Variants in KLF12 observed in about 807,000 individuals in gnomAD.
KLF12 encodes Krueppel-like factor 12.
Under a neutral mutation model 37.8 loss-of-function variants are expected in KLF12, and 9 were observed. The ratio of observed to expected loss-of-function variants is 0.24; its 90% CI spans 0.14 to 0.42. KLF12 has a LOEUF of 0.42. KLF12 is among the 10% of genes least tolerant of loss of function. The probability of loss-of-function intolerance (pLI) is 1.00; values close to 1 mark genes in which losing one functional copy is unlikely to be tolerated. For missense variants in KLF12, 411 were observed against 516.0 expected (o/e 0.80, Z 1.97); for synonymous variants, 208 against 202.1 (o/e 1.03, Z -0.25).
chr13:74,036,759 A>G (rs530250947), intron 1 of KLF12, among the ~76,000 whole-genome samples: 28 of 152,358 alleles, frequency 1.8e-4, no homozygotes, highest in Admixed American at 5.2e-4. Flanking sequence ...CTTCCAGCAC[A>G]ATGAAATGTG....
At chr13:74,173,630 T>C in the KLF12 span, among the ~76,000 whole-genome samples, 1 of 152,222 alleles carries the variant, frequency 6.6e-6, no homozygotes, top group Non-Finnish European at 1.5e-5. Flanking sequence ...CATTACCAGA[T>C]GGATGAAGCC....
chr13:73,752,489 C>T (rs1594048624), intron 6 of KLF12, among the ~76,000 whole-genome samples: 2 of 91,670 alleles, frequency 2.2e-5, no homozygotes, highest in Non-Finnish European at 4.5e-5. Flanking sequence ...TACGGACTTG[C>T]CTTCTGCTCT....
intron 3 of KLF12, among the ~76,000 whole-genome samples, chr13:73,880,807 T>A (rs1326236583): frequency 2.0e-5 from 3 of 152,222 alleles, no homozygotes; most frequent in Non-Finnish European, 4.4e-5. Context: ...AACCTAGCAG[T>A]ATAACTAACC....
chr13:74,032,793 C>T (rs1893148025), intron 1 of KLF12, among the ~76,000 whole-genome samples: 1 of 152,156 alleles, frequency 6.6e-6, no homozygotes, highest in Non-Finnish European at 1.5e-5. Flanking sequence ...TTCTTTGCTG[C>T]TGGCAGTGCT....
chr13:74,018,315 G>T (rs1892754130), intron 1 of KLF12, among the ~76,000 whole-genome samples: 1 of 152,140 alleles, frequency 6.6e-6, no homozygotes, highest in Non-Finnish European at 1.5e-5. Flanking sequence ...GGAGTAGTTG[G>T]GGAGATGTTG....
rs115084834 is a variant in KLF12 at position 74,000,264 on chromosome 13, A to G, written c.-31-5211T>C. On this transcript the variant is annotated intron_variant, in intron 1 of 7. Transcript: ENST00000377669. The stretch of plus-strand genomic sequence containing the variant: ...ACCTGATATAAAGTTATACTTCCTC[A>G]ATATCACCTTCAACCATACTTGCTT... 6.5e-3 allele frequency among the ~76,000 whole-genome samples: 984 copies of G among 152,268 alleles called. 13 individuals carry two copies. Among genetic ancestry groups the G allele is most frequent in the African/African-American group, 0.022 (930 of 41,550 alleles).
At chr13:73,940,208 T>C (rs1188138598) in intron 3 of KLF12, among the ~76,000 whole-genome samples, 1 of 152,178 alleles carries the variant, frequency 6.6e-6, no homozygotes, top group Non-Finnish European at 1.5e-5. Flanking sequence ...TGGGAAGCTC[T>C]TGTAACAGCA....
the KLF12 span, among the ~76,000 whole-genome samples, chr13:74,172,905 C>A: frequency 6.6e-6 from 1 of 152,148 alleles, no homozygotes; most frequent in South Asian, 2.1e-4. Context: ...TAAATATATA[C>A]CCTTCGTCCT....
chr13:73,711,059 C>G (rs956229829), intron 7 of KLF12, among the ~76,000 whole-genome samples: 2 of 152,180 alleles, frequency 1.3e-5, no homozygotes, highest in African/African-American at 4.8e-5. Flanking sequence ...TACAATATCC[C>G]CCAAAGCTAA....
At chr13:74,062,141 T>C (rs1469420334) in intron 1 of KLF12, among the ~76,000 whole-genome samples, 1 of 152,188 alleles carries the variant, frequency 6.6e-6, no homozygotes, top group Non-Finnish European at 1.5e-5. Context: ...TTCATAGCCC[T>C]GACCCCTGAG....
At chr13:73,859,917 C>T (rs952460729) in intron 3 of KLF12, among the ~76,000 whole-genome samples, 4 of 152,042 alleles carry the variant, frequency 2.6e-5, no homozygotes, top group African/African-American at 9.7e-5. Context: ...TTCTTTTCTT[C>T]CTTTCCTTTC....
Position 73,846,137 on chromosome 13 carries a change from A to G in KLF12, c.360T>C (p.Ser120=). 1 of 1,614,150 alleles carries G rather than the reference A, an allele frequency of 6.2e-7. No homozygotes were observed. The highest frequency in any genetic ancestry group is 8.5e-7 in the Non-Finnish European group (1 of 1,180,024). Residue 120 remains serine, a synonymous_variant, in exon 4 of 8, where the codon TCT becomes TCC. Coordinates refer to ENST00000377669, the MANE Select transcript of KLF12 (RefSeq NM_007249.5). ...CAGTTGGGGATGAGGCTAGACGACT[A>G]GAAGACGATGAAGAGGTTGAAGTTG...
rs1566497237 is a variant in KLF12, at chr13:73,995,026, T to C, written c.-4A>G. 6.2e-7 allele frequency: 1 copy of C among 1,606,474 alleles called. No homozygotes were observed. The highest frequency in any genetic ancestry group is 1.3e-5 in the African/African-American group (1 of 74,706). On this transcript the variant is annotated 5_prime_UTR_variant, in exon 2 of 8. It removes an upstream start codon present in the reference 5' UTR. Coordinates refer to ENST00000377669, the MANE Select transcript of KLF12 (RefSeq NM_007249.5). ...TTCTCTTCATATGGATATTCATTCA[T>C]CCATTTGTTCTTAGAGTCACATTGA...
chr13:73,819,453 A>T (rs1456269031), intron 4 of KLF12, among the ~76,000 whole-genome samples: 2 of 152,206 alleles, frequency 1.3e-5, no homozygotes, highest in Admixed American at 1.3e-4. Flanking sequence ...AACTGAAAAT[A>T]CCATTACAGA....
chr13:74,265,723 T>G, the KLF12 span, among the ~76,000 whole-genome samples: 1 of 152,280 alleles, frequency 6.6e-6, no homozygotes, highest in Admixed American at 6.5e-5. Context: ...TCATTTCCTG[T>G]GTGTTCTTGG....
intron 7 of KLF12, among the ~76,000 whole-genome samples, chr13:73,712,356 A>G (rs1372820177): frequency 6.9e-6 from 1 of 145,590 alleles, no homozygotes; most frequent in Non-Finnish European, 1.5e-5. Context: ...AAAAAAAAAA[A>G]AAAAGGATTA....
chr13:74,204,705 T>C, the KLF12 span, among the ~76,000 whole-genome samples: 10 of 152,266 alleles, frequency 6.6e-5, no homozygotes, highest in East Asian at 1.7e-3. Context: ...TTCTATTTTA[T>C]GTATGAACCC....
At chr13:73,832,510 A>T (rs1182418288) in intron 4 of KLF12, among the ~76,000 whole-genome samples, 2 of 152,214 alleles carry the variant, frequency 1.3e-5, no homozygotes, top group African/African-American at 4.8e-5. Flanking sequence ...TGGATTTAGC[A>T]CAGAAGAGAC....
intron 6 of KLF12, among the ~76,000 whole-genome samples, chr13:73,748,980 G>A (rs113962834): frequency 0.011 from 1,741 of 152,216 alleles, 13 homozygotes; most frequent in South Asian, 0.035. Flanking sequence ...TACTTCAGAG[G>A]CCACATCTCC....
Sources: allele counts gnomAD v4.1 joint callset (sites outside exome capture counted in the v4.1 genomes callset), GRCh38; gene constraint gnomAD v4.1.1; transcripts MANE v1.5; gene names NCBI Gene and HGNC (gene_info 2026-07-23, HGNC 2026-07-21).